Variants in ADAM7 observed in about 807,000 individuals in gnomAD.
ADAM7 encodes disintegrin and metalloproteinase domain-containing protein 7.
ADAM7 carries 97 observed loss-of-function variants against 102.9 expected under a neutral mutation model. That is an observed-to-expected ratio of 0.94 (90% CI 0.80 to 1.12). ADAM7 has a LOEUF of 1.12. ADAM7 is among the 50% of genes most tolerant of loss of function. The probability of loss-of-function intolerance (pLI) is 0.00; values close to 1 mark genes in which losing one functional copy is unlikely to be tolerated. For missense variants in ADAM7, 991 were observed against 908.7 expected (o/e 1.09, Z -1.16); for synonymous variants, 334 against 304.4 (o/e 1.10, Z -1.01).
intron 20 of ADAM7, chr8:24,506,088 T>C (rs1358570232): frequency 1.3e-6 from 2 of 1,546,804 alleles, no homozygotes; most frequent in Non-Finnish European, 1.7e-6. Flanking sequence ...CTCTTCTTAC[T>C]AGCAGAGAAC....
rs763296638 is a variant in ADAM7 at position 24,442,542 on chromosome 8, G to C, written c.122G>C (p.Arg41Pro). The C allele has an allele frequency of 6.2e-7, 1 of 1,613,978 alleles. No homozygotes were observed. Among genetic ancestry groups the C allele is most frequent in the Non-Finnish European group, 8.5e-7 (1 of 1,179,920 alleles). The part of the protein sequence containing the change: ...RPKKLPLIQK[R>P]DTGHTHDDDI... ...AAAAAGCTTCCTCTGATACAGAAGCGAGATACTGGACACACCCATGATGAT... is the reference window on the plus strand; with the variant it reads ...AAAAAGCTTCCTCTGATACAGAAGCCAGATACTGGACACACCCATGATGAT... The change falls in exon 2 of 22, where the codon CGA becomes CCA. Residue 41 changes from arginine (R) to proline (P), a missense_variant. Physicochemically the swap from Arg to Pro is moderately radical, Grantham distance 103. Transcript: ENST00000175238.
At chr8:24,497,529 C>T (rs1230910130) in intron 16 of ADAM7, among the ~76,000 whole-genome samples, 2 of 151,840 alleles carry the variant, frequency 1.3e-5, no homozygotes, top group Non-Finnish European at 2.9e-5. Context: ...AACTTCTTAA[C>T]ACAATAACAT....
At chr8:24,469,185 A>G (rs1819525672) in intron 7 of ADAM7, among the ~76,000 whole-genome samples, 1 of 152,146 alleles carries the variant, frequency 6.6e-6, no homozygotes, top group Non-Finnish European at 1.5e-5. Context: ...AGGCTTGGTG[A>G]CCCCGCTATA....
chr8:24,458,879 T>G (rs1585867261), intron 3 of ADAM7, among the ~76,000 whole-genome samples: 1 of 151,984 alleles, frequency 6.6e-6, no homozygotes, highest in African/African-American at 2.4e-5. Context: ...CAGTGTACAC[T>G]GATTTTTGTT....
intron 3 of ADAM7, among the ~76,000 whole-genome samples, chr8:24,462,738 C>A (rs1262861712): frequency 6.6e-6 from 1 of 152,156 alleles, no homozygotes; most frequent in Non-Finnish European, 1.5e-5. Context: ...AACATTAGTT[C>A]ACCATTTATT....
At chr8:24,454,500 G>T (rs573218884) in intron 3 of ADAM7, among the ~76,000 whole-genome samples, 1 of 152,298 alleles carries the variant, frequency 6.6e-6, no homozygotes, top group South Asian at 2.1e-4. Flanking sequence ...TTTTAAGCCC[G>T]TCGGAAAAGT....
At chr8:24,485,437 A>G (rs1053204235) in intron 10 of ADAM7, 76 bp downstream of exon 10, 6 of 1,344,420 alleles carry the variant, frequency 4.5e-6, no homozygotes, top group Non-Finnish European at 6.2e-6. Context: ...CCATGGAAAG[A>G]GACTATGTAT....
intron 8 of ADAM7, among the ~76,000 whole-genome samples, chr8:24,481,147 T>A (rs1350410171): frequency 6.6e-6 from 1 of 152,260 alleles, no homozygotes; most frequent in South Asian, 2.1e-4. Context: ...CAGGGTAGAT[T>A]TGAAGTCAGA....
At chr8:24,456,271 C>A (rs768339082) in intron 3 of ADAM7, among the ~76,000 whole-genome samples, 20 of 152,154 alleles carry the variant, frequency 1.3e-4, no homozygotes, top group Non-Finnish European at 2.4e-4. Flanking sequence ...TAATGTTCTC[C>A]AATTCCACAC....
At chr8:24,503,513 A>G (rs978959667) in intron 20 of ADAM7, among the ~76,000 whole-genome samples, 9 of 152,304 alleles carry the variant, frequency 5.9e-5, no homozygotes, top group Non-Finnish European at 1.2e-4. Context: ...TGACCCAGCA[A>G]TCCCATTACT....
chr8:24,490,897 A>G lies in ADAM7; in HGVS notation c.1356+9A>G, dbSNP rs189547549. 2.3e-3 allele frequency: 3,729 copies of G among 1,603,056 alleles called. 33 individuals are homozygous for G. Among genetic ancestry groups the G allele is most frequent in the Middle Eastern group, 9.4e-3 (56 of 5,986 alleles). On this transcript the variant is annotated intron_variant, in intron 13 of 21. Coordinates refer to ENST00000175238, the MANE Select transcript of ADAM7 (RefSeq NM_003817.4). ...GCTGTGAATCTTGTCAGGTAAGGTC[A>G]TGTGCCAGGAGAAGGTTTTTTTTTT...
chr8:24,464,745 C>T (rs1020311547), intron 4 of ADAM7, among the ~76,000 whole-genome samples: 2 of 150,750 alleles, frequency 1.3e-5, no homozygotes, highest in Admixed American at 6.7e-5. Context: ...TGACTACAGG[C>T]GCATGCCACC....
intron 3 of ADAM7, among the ~76,000 whole-genome samples, chr8:24,462,598 G>A (rs77867240): frequency 1.5e-3 from 227 of 152,118 alleles, no homozygotes; most frequent in African/African-American, 5.2e-3. Context: ...GCTTTTGCTC[G>A]GTACCTAGAT....
In ADAM7 at chr8:24,487,270, C is replaced by T. The variant is rs1329706386; in HGVS notation, c.1044C>T (p.Phe348=). ...ACCTTGGGATGCAGCATGACGAGTT[C>T]CCATGCACCTGTCCTTCAGGAAAAT... ...GHNLGMQHDE[F]PCTCPSGKCV... Residue 348 remains phenylalanine (F), a synonymous_variant, in exon 11 of 22, where the codon TTC becomes TTT. Transcript: ENST00000175238. 6.2e-7 allele frequency: 1 copy of T among 1,613,882 alleles called. No individual in the cohort carries two copies. The highest frequency in any genetic ancestry group is 8.5e-7 in the Non-Finnish European group (1 of 1,179,876).
In ADAM7 at chr8:24,441,140, T is replaced by C. The variant is rs769155479; in HGVS notation, c.32T>C (p.Leu11Ser). The change falls in exon 1 of 22, where the codon TTA becomes TCA. Residue 11 changes from leucine (L) to serine (S), a missense_variant. Physicochemically the swap from Leu to Ser is moderately radical, Grantham distance 145. Coordinates refer to ENST00000175238, the MANE Select transcript of ADAM7 (RefSeq NM_003817.4). MLPGCIFLMI[L>S]LIPQVKEKFI... The stretch of plus-strand genomic sequence containing the variant: ...CCCGGGTGTATATTCTTGATGATTT[T>C]ACTCATTCCTCAGGTTAAAGGTATG... 9 of 1,613,828 alleles carry C rather than the reference T, an allele frequency of 5.6e-6. No homozygotes were observed. In the East Asian group the frequency reaches 2.0e-4, roughly 36 times the overall value.
intron 2 of ADAM7, among the ~76,000 whole-genome samples, chr8:24,446,231 G>T (rs1397715534): frequency 6.6e-6 from 1 of 151,714 alleles, no homozygotes; most frequent in Non-Finnish European, 1.5e-5. Flanking sequence ...CTGGTGAAAG[G>T]GCATGAATCA....
chr8:24,494,577 G>C (rs1203497253), intron 16 of ADAM7, among the ~76,000 whole-genome samples: 2 of 152,180 alleles, frequency 1.3e-5, no homozygotes, highest in Non-Finnish European at 2.9e-5. Context: ...TCCGCATAGA[G>C]AGCTTATTCC....
At chr8:24,498,997 C>A (rs990001408) in intron 16 of ADAM7, among the ~76,000 whole-genome samples, 3 of 151,982 alleles carry the variant, frequency 2.0e-5, no homozygotes, top group African/African-American at 7.2e-5. Context: ...TAAAATATTT[C>A]TTTGCATGTA....
At chr8:24,468,290 GAA>G (rs112725172) in intron 6 of ADAM7, among the ~76,000 whole-genome samples, 2 of 138,032 alleles carry the variant, frequency 1.4e-5, no homozygotes, top group Non-Finnish European at 1.6e-5. Flanking sequence ...CTCAGTAAAT[GAA>G]AAAAAAAAAA....
Sources: gnomAD v4.1 joint callset for allele counts (sites outside exome capture counted in the v4.1 genomes callset) on GRCh38, gnomAD v4.1.1 for gene constraint, MANE v1.5 for transcripts, NCBI Gene and HGNC (gene_info 2026-07-23, HGNC 2026-07-21) for gene names.